Variants in FHIT observed in about 807,000 individuals in gnomAD.
FHIT encodes the protein fragile histidine triad diadenosine triphosphatase.
In FHIT, 19 loss-of-function variants were observed where a neutral mutation model predicts 17.9. The ratio of observed to expected loss-of-function variants is 1.06; its 90% CI spans 0.74 to 1.56. FHIT has a LOEUF of 1.56. FHIT is among the 40% of genes most tolerant of loss of function. The probability of loss-of-function intolerance (pLI) is 0.00; values close to 1 mark genes in which losing one functional copy is unlikely to be tolerated. For missense variants in FHIT, 248 were observed against 189.2 expected (o/e 1.31, Z -1.82); for synonymous variants, 81 against 69.7 (o/e 1.16, Z -0.81).
At chr3:59,773,968 C>A (rs373134881) in intron 8 of FHIT, among the ~76,000 whole-genome samples, 1 of 152,206 alleles carries the variant, frequency 6.6e-6, no homozygotes, top group African/African-American at 2.4e-5. Context: ...TAATTACCTA[C>A]TGAAATAATA....
intron 4 of FHIT, among the ~76,000 whole-genome samples, chr3:60,662,555 TG>T (rs552493805): frequency 6.6e-5 from 10 of 152,174 alleles, no homozygotes; most frequent in African/African-American, 9.6e-5. Context: ...ATTTTTGGAT[TG>T]TTTTTTTCTA....
At chr3:60,630,084 G>A (rs1202823530) in intron 4 of FHIT, among the ~76,000 whole-genome samples, 2 of 152,148 alleles carry the variant, frequency 1.3e-5, no homozygotes, top group Admixed American at 1.3e-4. Flanking sequence ...CCAGAGACTG[G>A]TTCAAACAGG....
chr3:60,117,108 G>A (rs544961883), intron 5 of FHIT, among the ~76,000 whole-genome samples: 7 of 151,986 alleles, frequency 4.6e-5, no homozygotes, highest in Admixed American at 4.6e-4. Context: ...TACTGGATTA[G>A]AACTAGAGAT....
chr3:60,779,171 G>T (rs1553725156), intron 4 of FHIT, among the ~76,000 whole-genome samples: 4 of 152,178 alleles, frequency 2.6e-5, no homozygotes, highest in Non-Finnish European at 5.9e-5. Context: ...AGTCTATTTT[G>T]CAAAGCACTC....
intron 3 of FHIT, among the ~76,000 whole-genome samples, chr3:60,961,970 T>A (rs1272659590): frequency 6.6e-6 from 1 of 152,206 alleles, no homozygotes; most frequent in Admixed American, 6.5e-5. Context: ...GTGAAGGAAG[T>A]CATTGGTAGC....
chr3:60,967,696 A>G (rs1419909127), intron 3 of FHIT, among the ~76,000 whole-genome samples: 1 of 152,186 alleles, frequency 6.6e-6, no homozygotes, highest in African/African-American at 2.4e-5. Context: ...AACAAGATCA[A>G]TAAAATAGTT....
chr3:60,499,671 G>A (rs975906778), intron 5 of FHIT, among the ~76,000 whole-genome samples: 4 of 152,042 alleles, frequency 2.6e-5, no homozygotes, highest in Non-Finnish European at 5.9e-5. Context: ...GAGCCACCGC[G>A]CCCGGCCTCT....
intron 2 of FHIT, among the ~76,000 whole-genome samples, chr3:61,136,038 T>G (rs1334698957): frequency 2.0e-5 from 3 of 151,750 alleles, no homozygotes; most frequent in Non-Finnish European, 4.4e-5. Context: ...TAAGGAGAAT[T>G]TTGGCCAACC....
intron 2 of FHIT, among the ~76,000 whole-genome samples, chr3:61,167,644 AAAG>A (rs1156750641): frequency 6.6e-5 from 10 of 150,900 alleles, no homozygotes; most frequent in Admixed American, 4.6e-4. Context: ...AAAAAAAAAA[AAAG>A]AAAGAAAAGA....
intron 5 of FHIT, among the ~76,000 whole-genome samples, chr3:60,396,911 A>G (rs1701465183): frequency 6.6e-6 from 1 of 152,204 alleles, no homozygotes; most frequent in Admixed American, 6.5e-5. Flanking sequence ...CACTATAAAA[A>G]GGAAACTTTA....
chr3:61,239,148 G>A (rs1205841543), intron 1 of FHIT, among the ~76,000 whole-genome samples: 4 of 152,132 alleles, frequency 2.6e-5, no homozygotes, highest in Admixed American at 2.0e-4. Context: ...GCAGATGAGT[G>A]GAAGAGAGGT....
At chr3:59,764,677 C>T (rs531145723) in intron 8 of FHIT, among the ~76,000 whole-genome samples, 36 of 152,222 alleles carry the variant, frequency 2.4e-4, no homozygotes, top group Admixed American at 2.0e-3. Flanking sequence ...GCATCTGAAA[C>T]GCTATGCTTA....
At chr3:59,760,949 G>T (rs1379503832) in intron 8 of FHIT, among the ~76,000 whole-genome samples, 1 of 152,044 alleles carries the variant, frequency 6.6e-6, no homozygotes, top group East Asian at 1.9e-4. Context: ...AAAGTGCCGG[G>T]GTTATAGGCA....
At chr3:60,918,991 A>G (rs1553767684) in intron 3 of FHIT, among the ~76,000 whole-genome samples, 1 of 152,210 alleles carries the variant, frequency 6.6e-6, no homozygotes. Flanking sequence ...TATGGGTAAA[A>G]AAAAGGGAGT....
intron 3 of FHIT, among the ~76,000 whole-genome samples, chr3:60,858,412 T>C (rs1478760172): frequency 2.0e-5 from 3 of 152,130 alleles, no homozygotes; most frequent in African/African-American, 7.2e-5. Flanking sequence ...TTCAGAACCA[T>C]CACATGTATG....
At chr3:61,122,796 CAAT>C (rs952190894) in intron 2 of FHIT, among the ~76,000 whole-genome samples, 2 of 152,144 alleles carry the variant, frequency 1.3e-5, no homozygotes, top group Non-Finnish European at 2.9e-5. Context: ...ACCAAAACCA[CAAT>C]GAGATACCAT....
intron 5 of FHIT, among the ~76,000 whole-genome samples, chr3:60,203,002 TA>T (rs35500094): frequency 5.3e-5 from 8 of 149,796 alleles, no homozygotes; most frequent in East Asian, 3.9e-4. Flanking sequence ...ACATTACAGT[TA>T]AAAAAAAAAC....
intron 5 of FHIT, among the ~76,000 whole-genome samples, chr3:60,319,777 A>G (rs1245034099): frequency 6.6e-6 from 1 of 152,158 alleles, no homozygotes; most frequent in Non-Finnish European, 1.5e-5. Flanking sequence ...TTGCACTGTA[A>G]TTACCATAGT....
chr3:60,659,186 T>C (rs899806973), intron 4 of FHIT, among the ~76,000 whole-genome samples: 1 of 152,062 alleles, frequency 6.6e-6, no homozygotes, highest in African/African-American at 2.4e-5. Context: ...GCTTCTCTCA[T>C]GTTGTTTTCA....
Sources: gnomAD v4.1 joint callset for allele counts (sites outside exome capture counted in the v4.1 genomes callset) on GRCh38, gnomAD v4.1.1 for gene constraint, MANE v1.5 for transcripts, NCBI Gene and HGNC (gene_info 2026-07-23, HGNC 2026-07-21) for gene names.